LRRC59: variants seen among roughly 807,000 people sequenced by gnomAD.
LRRC59 encodes the protein leucine rich repeat containing 59.
A neutral mutation model predicts 33.5 loss-of-function variants in LRRC59; 18 were observed. That is an observed-to-expected ratio of 0.54 (90% confidence interval 0.37 to 0.80). The LOEUF (loss-of-function observed/expected upper bound fraction) is 0.80. LRRC59 is among the 30% of genes least tolerant of loss of function. LRRC59 has a pLI of 0.00. For missense variants in LRRC59, 330 were observed against 391.9 expected, an observed-to-expected ratio of 0.84 and a Z score of 1.33; for synonymous variants, 138 against 160.0, an observed-to-expected ratio of 0.86 and a Z score of 1.04.
At chr17:50,385,071 T>G (rs753395554) in intron 6 of LRRC59, 47 bp downstream of exon 6, 1 of 1,590,682 alleles carries the variant, frequency 6.3e-7, no homozygotes, top group Admixed American at 1.7e-5. Context: ...AACATGAGTG[T>G]CTCCACTGTA....
At chr17:50,396,717 G>C (rs1393741792) in intron 1 of LRRC59, 2 of 164,364 alleles carry the variant, frequency 1.2e-5, no homozygotes, top group African/African-American at 4.8e-5. Flanking sequence ...CAGCCAAGCT[G>C]GGGGGAGACT....
At chr17:50,393,497 C>G (rs971010225) in intron 2 of LRRC59, among the ~76,000 whole-genome samples, 1 of 152,226 alleles carries the variant, frequency 6.6e-6, no homozygotes, top group Non-Finnish European at 1.5e-5. Context: ...TTGTTATTTG[C>G]AGCACCTAGC....
At chr17:50,386,287 G>A (rs1914001591) in intron 5 of LRRC59, 1 of 152,216 alleles carries the variant, frequency 6.6e-6, no homozygotes, top group South Asian at 2.1e-4. Context: ...TTGAACTCAT[G>A]AATCTGAGAA....
In LRRC59 at chr17:50,392,384, A is replaced by T; in HGVS notation, c.429+14T>A. 6.2e-7 allele frequency: 1 copy of T among 1,609,802 alleles called. No homozygotes were observed. The highest frequency in any genetic ancestry group is 8.5e-7 in the Non-Finnish European group (1 of 1,176,446). ...AGTGTATAAGGAGCCACTGGGAGGG[A>T]GCTTGGTGCTTACCTTGTTTGCACA... is the stretch of plus-strand genomic sequence containing the variant. On this transcript the variant is annotated intron_variant, in intron 4 of 6. Transcript: ENST00000225972.
At chr17:50,386,242 C>T (rs941424648) in intron 5 of LRRC59, 1 of 152,072 alleles carries the variant, frequency 6.6e-6, no homozygotes, top group African/African-American at 2.4e-5. Flanking sequence ...GCACTAGGAC[C>T]AGCCTGCACT....
Position 50,392,916 on chromosome 17 carries a change from A to G in LRRC59, c.166-19T>C. 1 of 1,608,340 alleles carries G rather than the reference A, an allele frequency of 6.2e-7. No individual in the cohort carries two copies. Among genetic ancestry groups the G allele is most frequent in the Non-Finnish European group, 8.5e-7 (1 of 1,175,194 alleles). Reference sequence around the variant, plus strand: ...AATCCGACTAGGATCCAAAGAGAGAACCTAAGCTAGGCTTGTCCAACACAC... The same window carrying G: ...AATCCGACTAGGATCCAAAGAGAGAGCCTAAGCTAGGCTTGTCCAACACAC... On this transcript the variant is annotated intron_variant, in intron 2 of 6. Coordinates refer to ENST00000225972, the MANE Select transcript of LRRC59 (RefSeq NM_018509.4).
chr17:50,382,748 T>G lies in LRRC59; in HGVS notation c.*240A>C. 1.8e-6 allele frequency: 1 copy of G among 558,588 alleles called. No homozygotes were observed. 34.6% of individuals were successfully genotyped at this position (558,588 alleles called of 1,614,324 possible). On this transcript the variant is annotated 3_prime_UTR_variant, in exon 7 of 7. Transcript: ENST00000225972. Reference sequence around the variant, plus strand: ...CTCCCCACCCCCAAGCCTACTCCTTTAGGCATGCAGGTAACTGCCCCCCAC... The same window carrying G: ...CTCCCCACCCCCAAGCCTACTCCTTGAGGCATGCAGGTAACTGCCCCCCAC...
chr17:50,385,875 C>T (rs563402661), intron 5 of LRRC59, among the ~76,000 whole-genome samples: 2 of 152,146 alleles, frequency 1.3e-5, no homozygotes, highest in African/African-American at 4.8e-5. Flanking sequence ...GCCTGGGCAA[C>T]ATAGCAAGAC....
chr17:50,388,807 C>A (rs183118715), intron 4 of LRRC59, among the ~76,000 whole-genome samples: 1 of 152,178 alleles, frequency 6.6e-6, no homozygotes, highest in Non-Finnish European at 1.5e-5. Flanking sequence ...GACTGCCCCT[C>A]CTGTGGCTAC....
chr17:50,389,062 G>T (rs902172811), intron 4 of LRRC59, among the ~76,000 whole-genome samples: 3 of 152,180 alleles, frequency 2.0e-5, no homozygotes, highest in Non-Finnish European at 4.4e-5. Flanking sequence ...AGGGTGATTT[G>T]TCCACTGCTA....
rs1305160344 is a variant in LRRC59, at chr17:50,392,561, C to T, written c.325-59G>A. On this transcript the variant is annotated intron_variant, in intron 3 of 6. Coordinates refer to ENST00000225972, the MANE Select transcript of LRRC59 (RefSeq NM_018509.4). ...TAAGCCCGAGTTCACATACATAGTC[C>T]CTCAGGGTGAAACAAAATGAGCAGG... is the stretch of plus-strand genomic sequence containing the variant. 1.7e-5 allele frequency: 26 copies of T among 1,498,558 alleles called. No individual in the cohort carries two copies. In the Admixed American group the frequency reaches 4.2e-4, roughly 24 times the overall value. 92.8% of individuals were successfully genotyped at this position (1,498,558 alleles called of 1,614,324 possible). A position where few individuals can be genotyped will look rare whatever the true frequency, so the allele number is the denominator to read the frequency against.
At chr17:50,383,283 C>G (rs1303781308) in intron 6 of LRRC59, 48 bp from the exon 7 acceptor site, 1 of 1,530,192 alleles carries the variant, frequency 6.5e-7, no homozygotes, top group East Asian at 2.5e-5. Context: ...CAGAGGAGAC[C>G]TGCTCTATAC....
At position 50,392,912 on chromosome 17, in the gene LRRC59, G is replaced by C; in HGVS notation, c.166-15C>G. 6.2e-7 allele frequency: 1 copy of C among 1,610,090 alleles called. No homozygotes were observed. The highest frequency in any genetic ancestry group is 8.5e-7 in the Non-Finnish European group (1 of 1,176,598). On this transcript the variant is annotated splice_polypyrimidine_tract_variant and intron_variant, in intron 2 of 6. Transcript: ENST00000225972. ...CAGAAATCCGACTAGGATCCAAAGA[G>C]AGAACCTAAGCTAGGCTTGTCCAAC...
At position 50,395,543 on chromosome 17, in the gene LRRC59, G is replaced by T. The variant is rs911181490; in HGVS notation, c.106-555C>A. On this transcript the variant is annotated intron_variant, in intron 1 of 6. Transcript: ENST00000225972. ...ATTCCCCAGTTCAGGCCCTTCCTCA[G>T]AACAGGTACTCAATATCCATACATG... Among the ~76,000 whole-genome samples, 9 of 152,288 alleles carry T rather than the reference G, an allele frequency of 5.9e-5. No homozygotes were observed. In the East Asian group the frequency reaches 1.7e-3, roughly 29 times the overall value.
At position 50,381,685 on chromosome 17, in the gene LRRC59, G is replaced by C. The variant is rs1261750752; in HGVS notation, c.*1303C>G. On this transcript the variant is annotated 3_prime_UTR_variant, in exon 7 of 7. Coordinates refer to ENST00000225972, the MANE Select transcript of LRRC59 (RefSeq NM_018509.4). Reference sequence around the variant, plus strand: ...CGGGGGAGCCAAGGAGCTTGCAACTGGGAGTTTGCAGTGAATGAGCACCAT... The same window carrying C: ...CGGGGGAGCCAAGGAGCTTGCAACTCGGAGTTTGCAGTGAATGAGCACCAT... 6.5e-6 allele frequency: 1 copy of C among 152,678 alleles called. No homozygotes were observed. Among genetic ancestry groups the C allele is most frequent in the East Asian group, 1.9e-4 (1 of 5,202 alleles). 9.5% of individuals were successfully genotyped at this position (152,678 alleles called of 1,614,324 possible).
rs1914058656 is a variant in LRRC59, at chr17:50,388,270, G to C, written c.430-138C>G. 3 of 767,298 alleles carry C rather than the reference G, an allele frequency of 3.9e-6. No homozygotes were observed. The South Asian group carries it at 4.8e-5, about 12-fold the overall frequency. 47.5% of individuals were successfully genotyped at this position (767,298 alleles called of 1,614,324 possible). A position where few individuals can be genotyped will look rare whatever the true frequency, so the allele number is the denominator to read the frequency against. ...TAATAAGAGTTAGGCTGAATGTGGT[G>C]GCTCACGCCTGTAACCCCAACACTC... On this transcript the variant is annotated intron_variant, in intron 4 of 6. Coordinates refer to ENST00000225972, the MANE Select transcript of LRRC59 (RefSeq NM_018509.4).
chr17:50,384,120 A>G (rs968031678), intron 6 of LRRC59, among the ~76,000 whole-genome samples: 2 of 151,720 alleles, frequency 1.3e-5, no homozygotes, highest in African/African-American at 4.8e-5. Context: ...ATGTGGAGCC[A>G]CGTCACTAAC....
At position 50,392,467 on chromosome 17, in the gene LRRC59, CA is replaced by C. The variant is rs1914169334; in HGVS notation, c.359del (p.Leu120ArgfsTer29). 6.2e-7 allele frequency: 1 copy of C among 1,614,142 alleles called. No individual in the cohort carries two copies. The highest frequency in any genetic ancestry group is 8.5e-7 in the Non-Finnish European group (1 of 1,180,028). On this transcript the variant is annotated frameshift_variant, in exon 4 of 7. Transcript: ENST00000225972. LOFTEE classifies it high-confidence loss of function. The part of the protein sequence containing the change: ...LKWLDLKDNP[L>X]DPVLAKVAGD... ...CTGCCACCTTGGCCAGGACAGGATCCAGGGGGTTATCCTTCAGGTCCAACCA... is the reference window on the plus strand; with the variant it reads ...CTGCCACCTTGGCCAGGACAGGATCCGGGGGTTATCCTTCAGGTCCAACCA...
rs373194588 is a variant in LRRC59 at position 50,385,127 on chromosome 17, G to C, written c.667C>G (p.Gln223Glu). The C allele has an allele frequency of 6.8e-6, 11 of 1,613,602 alleles. No homozygotes were observed. The highest frequency in any genetic ancestry group is 9.3e-6 in the Non-Finnish European group (11 of 1,179,922). Residue 223 changes from glutamine to glutamate, a missense_variant, in exon 6 of 7, where the codon CAG becomes GAG. By Grantham distance (29) the Gln-to-Glu change is conservative. Transcript: ENST00000225972. ...CAGGCAGAAAACTTACTCGGGGCCT[G>C]ATTTGCTTCCTTCTTAGGTTTCTTC... ...QEKKPKKEANQAPKSKSGSRP... is the reference protein window; with the variant it reads ...QEKKPKKEANEAPKSKSGSRP...
Sources: gnomAD v4.1 joint callset for allele counts (sites outside exome capture counted in the v4.1 genomes callset) on GRCh38, gnomAD v4.1.1 for gene constraint, MANE v1.5 for transcripts, NCBI Gene and HGNC (gene_info 2026-07-23, HGNC 2026-07-21) for gene names.